Variants in TGIF1 observed in about 807,000 individuals in gnomAD.
TGIF1 encodes the protein homeobox protein TGIF1.
A neutral mutation model predicts 19.3 loss-of-function variants in TGIF1; 4 were observed. That is an observed-to-expected ratio of 0.21 (90% confidence interval 0.10 to 0.47). The LOEUF (loss-of-function observed/expected upper bound fraction) is 0.47, where lower values mean the gene tolerates loss of function less well. Among genes scored for constraint, TGIF1 ranks in the 20% least tolerant of loss-of-function variants. The probability of loss-of-function intolerance (pLI) is 0.98; values close to 1 mark genes in which losing one functional copy is unlikely to be tolerated. For missense variants in TGIF1, 275 were observed against 341.4 expected (o/e 0.81, Z 1.53); for synonymous variants, 122 against 129.3 (o/e 0.94, Z 0.38).
chr18:3,447,917 G>C, upstream of TGIF1: 1 of 1,481,684 alleles, frequency 6.7e-7, no homozygotes, highest in Non-Finnish European at 9.4e-7. Context: ...TCCAATTCTC[G>C]GTTCCCATCT....
Position 3,451,390 on chromosome 18 carries a change from C to CAA in TGIF1, c.16+886_16+887insAA, listed in dbSNP as rs141177192. ...AACCACACAAAACACCCCGAAAGGT[C>CAA]AGAGTGTGAAGTCCCTTTTGAAGTT... On this transcript the variant is annotated intron_variant, in intron 1 of 2. Coordinates refer to ENST00000343820, the MANE Select transcript of TGIF1 (RefSeq NM_003244.4). The surrounding 1 kb of genome is among the most constrained non-coding windows in gnomAD (Gnocchi z 5.4). 0.074 allele frequency: 72,903 copies of CAA among 985,296 alleles called. 4,111 individuals are homozygous for CAA. The highest frequency in any genetic ancestry group is 0.29 in the African/African-American group (16,490 of 57,296). The allele number at this position is 985,296 out of a possible 1,614,324, so 61.0% of individuals were successfully genotyped here. A position where few individuals can be genotyped will look rare whatever the true frequency, so the allele number is the denominator to read the frequency against.
upstream of TGIF1, chr18:3,449,645 A>G (rs1416874806): frequency 1.6e-5 from 16 of 981,260 alleles, no homozygotes; most frequent in East Asian, 1.9e-3. Context: ...GCAGCCGCGC[A>G]TTCTGGAAGA....
intron 1 of TGIF1, chr18:3,453,878 G>A: frequency 1.0e-6 from 1 of 979,144 alleles, no homozygotes; most frequent in Non-Finnish European, 1.2e-6. Context: ...AAGACGTTTG[G>A]AAACAAGTCT....
intron 1 of TGIF1, 107 bp downstream of exon 1, chr18:3,450,612 T>G: frequency 1.3e-6 from 2 of 1,543,276 alleles, no homozygotes; most frequent in Admixed American, 2.0e-5. Context: ...GCCCAGGGGC[T>G]CTCATGCTGG....
At chr18:3,419,647 C>T (rs1392819402) in intron 2 of TGIF1, among the ~76,000 whole-genome samples, 1 of 152,182 alleles carries the variant, frequency 6.6e-6, no homozygotes, top group Non-Finnish European at 1.5e-5. Context: ...ATTTCCATCA[C>T]TGGACTACCC....
rs2049411979 is a variant in TGIF1, at chr18:3,457,801, A to G, written c.680A>G (p.Asn227Ser). Reference protein sequence around the residue: ...EDTCKSGPSTNTQSGLFNTPP... With the variant: ...EDTCKSGPSTSTQSGLFNTPP... ...ACTTGTAAATCTGGACCAAGTACGA[A>G]TACACAGAGTGGTCTTTTCAACACT... The change falls in exon 3 of 3, where the codon AAT becomes AGT. Residue 227 changes from asparagine (N) to serine (S), a missense_variant. Transcript: ENST00000343820. This position sits in a 1 kb window ranked among gnomAD's most constrained non-coding sequence, Gnocchi z 4.9. The G allele has an allele frequency of 6.2e-7, 1 of 1,613,870 alleles. No homozygotes were observed.
chr18:3,420,682 A>G (rs1160983514), intron 2 of TGIF1, among the ~76,000 whole-genome samples: 1 of 152,216 alleles, frequency 6.6e-6, no homozygotes, highest in Non-Finnish European at 1.5e-5. Context: ...ACTAACACTA[A>G]TCAAAAGAAA....
chr18:3,440,435 G>C (rs2082667197), intron 2 of TGIF1, among the ~76,000 whole-genome samples: 2 of 152,102 alleles, frequency 1.3e-5, no homozygotes, highest in Admixed American at 6.5e-5. Context: ...AGCCATTTGG[G>C]TTGGTAAATG....
At chr18:3,421,997 TAG>T (rs2082404808) in intron 2 of TGIF1, among the ~76,000 whole-genome samples, 5 of 151,684 alleles carry the variant, frequency 3.3e-5, no homozygotes, top group South Asian at 2.1e-4. Flanking sequence ...AGTTCGAGAC[TAG>T]CCTGGCCAAC....
intron 2 of TGIF1, among the ~76,000 whole-genome samples, chr18:3,422,673 CTT>C (rs869116407): frequency 4.1e-5 from 1 of 24,658 alleles, no homozygotes; most frequent in African/African-American, 7.3e-5. Context: ...TATAGGTGGC[CTT>C]TTTTTTTTTT....
At chr18:3,412,238 C>G (rs1416249220) in exon 1 of TGIF1, 1 of 152,208 alleles carries the variant, frequency 6.6e-6, no homozygotes, top group Non-Finnish European at 1.5e-5. Context: ...GCAGGAGCTC[C>G]TCATCGAGAA....
At chr18:3,429,677 T>C (rs561498950) in intron 2 of TGIF1, among the ~76,000 whole-genome samples, 2 of 152,332 alleles carry the variant, frequency 1.3e-5, no homozygotes, top group African/African-American at 4.8e-5. Context: ...GACCAAAGCA[T>C]GATGTTACAA....
chr18:3,424,208 T>C (rs1012004395), intron 2 of TGIF1, among the ~76,000 whole-genome samples: 4 of 152,186 alleles, frequency 2.6e-5, no homozygotes, highest in African/African-American at 9.7e-5. Flanking sequence ...TTATAAGTAA[T>C]CATCAGTAAT....
intron 2 of TGIF1, among the ~76,000 whole-genome samples, chr18:3,424,908 C>T (rs2082448306): frequency 1.3e-5 from 2 of 152,192 alleles, no homozygotes; most frequent in Admixed American, 1.3e-4. Flanking sequence ...GGCTGTTCAT[C>T]TGTATCCTTT....
At chr18:3,422,776 C>T (rs2082422559) in intron 2 of TGIF1, among the ~76,000 whole-genome samples, 1 of 149,658 alleles carries the variant, frequency 6.7e-6, no homozygotes, top group Admixed American at 6.7e-5. Context: ...CTGCAAGCTC[C>T]ACCTCCTGGG....
chr18:3,448,416 C>T, upstream of TGIF1: 7 of 997,126 alleles, frequency 7.0e-6, no homozygotes, highest in Non-Finnish European at 7.2e-6. Context: ...CTGTCCCGCA[C>T]CGGGCGCAGC....
In TGIF1 at chr18:3,435,197, A is replaced by AT. The variant is rs756523002; in HGVS notation, c.-45+16983dup. On this transcript the variant is annotated intron_variant, in intron 2 of 3. Transcript: ENST00000401449. ...CTTTTAATCTTTTAAAACCCTATATATATTTTTTTTTTTGAGATGGAGTCT... is the reference window on the plus strand; with the variant it reads ...CTTTTAATCTTTTAAAACCCTATATATTATTTTTTTTTTTGAGATGGAGTCT... 7.8e-3 allele frequency among the ~76,000 whole-genome samples: 1,167 copies of AT among 150,142 alleles called. 13 individuals are homozygous for AT. Among genetic ancestry groups the AT allele is most frequent in the African/African-American group, 0.025 (1,041 of 40,932 alleles).
chr18:3,451,423 AT>A lies in TGIF1; in HGVS notation c.16+920del, dbSNP rs1162520168. On this transcript the variant is annotated intron_variant, in intron 1 of 2. Coordinates refer to ENST00000343820, the MANE Select transcript of TGIF1 (RefSeq NM_003244.4). This position sits in a 1 kb window ranked among gnomAD's most constrained non-coding sequence, Gnocchi z 5.4. ...GAAGTCCCTTTTGAAGTTAACAAAA[AT>A]TGAGTCCCTGGCTGGGAGGTCCCCC... is the stretch of plus-strand genomic sequence containing the variant. 2 of 985,336 alleles carry A rather than the reference AT, an allele frequency of 2.0e-6. No homozygotes were observed. The highest frequency in any genetic ancestry group is 2.4e-6 in the Non-Finnish European group (2 of 829,936). 61.0% of individuals were successfully genotyped at this position (985,336 alleles called of 1,614,324 possible).
chr18:3,443,352 A>G (rs1264499250), intron 2 of TGIF1, among the ~76,000 whole-genome samples: 1 of 152,220 alleles, frequency 6.6e-6, no homozygotes, highest in Non-Finnish European at 1.5e-5. Flanking sequence ...CTGGCAGGAT[A>G]AATTAATTAA....
Sources: gnomAD v4.1 joint callset for allele counts (sites outside exome capture counted in the v4.1 genomes callset) on GRCh38, gnomAD v4.1.1 for gene constraint, Gnocchi (gnomAD v3.1) non-coding constraint, MANE v1.5 for transcripts, NCBI Gene and HGNC (gene_info 2026-07-23, HGNC 2026-07-21) for gene names.